FAM53B: variants seen among roughly 807,000 people sequenced by gnomAD.
FAM53B encodes the protein family with sequence similarity 53 member B, also known as protein FAM53B.
Under a neutral mutation model 32.7 loss-of-function variants are expected in FAM53B, and 12 were observed. That is an observed-to-expected ratio of 0.37 (90% CI 0.24 to 0.59). FAM53B has a LOEUF of 0.59. Among genes scored for constraint, FAM53B ranks in the 20% least tolerant of loss-of-function variants. The pLI is 0.72. For synonymous variants in FAM53B, 234 were observed against 228.7 expected (o/e 1.02, Z -0.21); for missense variants, 477 against 577.7 (o/e 0.83, Z 1.79).
Position 124,637,008 on chromosome 10 carries a change from C to T in FAM53B, c.907-13404G>A, listed in dbSNP as rs189798565. ...AAGTCATAAGGAGAAGGCAGGCAAG[C>T]GCTGCAGAAACACAACTGATTTATC... On this transcript the variant is annotated intron_variant, in intron 4 of 4. Coordinates refer to ENST00000337318, the MANE Select transcript of FAM53B (RefSeq NM_014661.4). 3.9e-5 allele frequency among the ~76,000 whole-genome samples: 6 copies of T among 152,240 alleles called. No homozygotes were observed. The South Asian group carries it at 1.0e-3, about 26-fold the overall frequency.
intron 4 of FAM53B, among the ~76,000 whole-genome samples, chr10:124,639,872 GCCT>G (rs1272598659): frequency 1.3e-5 from 2 of 152,028 alleles, no homozygotes; most frequent in South Asian, 2.1e-4. Context: ...GGCTCTGCCA[GCCT>G]CCTTTTACAC....
chr10:124,709,468 T>G (rs545336360), intron 1 of FAM53B, among the ~76,000 whole-genome samples: 41 of 152,188 alleles, frequency 2.7e-4, no homozygotes, highest in Non-Finnish European at 5.4e-4. Context: ...GTGGCAGGCA[T>G]GGAAAGGAGA....
chr10:124,656,869 T>C (rs1949592078), intron 4 of FAM53B, among the ~76,000 whole-genome samples: 1 of 150,576 alleles, frequency 6.6e-6, no homozygotes. Flanking sequence ...AAGGGGAACA[T>C]CACACACCGG....
At chr10:124,660,609 G>A (rs1024400536) in intron 4 of FAM53B, among the ~76,000 whole-genome samples, 24 of 152,238 alleles carry the variant, frequency 1.6e-4, no homozygotes, top group African/African-American at 5.5e-4. Context: ...AGACAGCCGA[G>A]CCAGCTGCCT....
intron 4 of FAM53B, among the ~76,000 whole-genome samples, chr10:124,650,292 C>A (rs187300445): frequency 6.6e-6 from 1 of 152,198 alleles, no homozygotes; most frequent in Admixed American, 6.5e-5. Flanking sequence ...CAGGTCATCG[C>A]GGGACAGGTG....
intron 1 of FAM53B, among the ~76,000 whole-genome samples, chr10:124,714,535 C>T (rs893454851): frequency 7.2e-5 from 11 of 151,726 alleles, no homozygotes; most frequent in African/African-American, 1.9e-4. Context: ...CTGAGGCAGG[C>T]GGATCACAAG....
At chr10:124,726,883 G>A (rs541680884) in intron 1 of FAM53B, among the ~76,000 whole-genome samples, 3 of 152,270 alleles carry the variant, frequency 2.0e-5, no homozygotes, top group East Asian at 1.9e-4. Flanking sequence ...AGAAATTTCC[G>A]TCTAACACCA....
At chr10:124,734,978 C>A (rs996334330) in intron 1 of FAM53B, among the ~76,000 whole-genome samples, 1 of 152,224 alleles carries the variant, frequency 6.6e-6, no homozygotes, top group African/African-American at 2.4e-5. Context: ...CTTGCTCCTG[C>A]AGACTGAGGT....
At chr10:124,694,794 T>C (rs4450131) in intron 3 of FAM53B, among the ~76,000 whole-genome samples, 62,043 of 152,116 alleles carry the variant, frequency 0.41, 14,049 homozygotes, top group Non-Finnish European at 0.52. Flanking sequence ...GTATGTCACA[T>C]GGAAAACCAG....
intron 4 of FAM53B, among the ~76,000 whole-genome samples, chr10:124,628,876 G>A (rs73379041): frequency 0.012 from 1,808 of 152,332 alleles, 42 homozygotes; most frequent in African/African-American, 0.042. Context: ...GCTGAGAAGC[G>A]ACTTCAGCTG....
intron 3 of FAM53B, among the ~76,000 whole-genome samples, chr10:124,694,575 A>G (rs969368671): frequency 6.6e-6 from 1 of 152,200 alleles, no homozygotes; most frequent in African/African-American, 2.4e-5. Flanking sequence ...CCCGGTTGAC[A>G]GCTAAAGCCT....
intron 2 of FAM53B, among the ~76,000 whole-genome samples, chr10:124,700,432 T>C (rs1294492079): frequency 2.0e-4 from 30 of 152,156 alleles, no homozygotes; most frequent in Admixed American, 2.0e-3. Context: ...GTCTGCACTC[T>C]GCGAGCACCC....
rs117877232 is a variant in FAM53B at position 124,732,479 on chromosome 10, G to A, written c.-175+11534C>T. On this transcript the variant is annotated intron_variant, in intron 1 of 4. Transcript: ENST00000337318. ...ACGCTCCTCCATGGCAGAGGAGCAC[G>A]CCACCACGCCATGTCTCAGAACAAT... Among the ~76,000 whole-genome samples the A allele has an allele frequency of 5.1e-3, 778 of 152,312 alleles. 2 individuals are homozygous for A. The highest frequency in any genetic ancestry group is 0.025 in the South Asian group (119 of 4,828).
chr10:124,648,760 A>AG (rs1458636549), intron 4 of FAM53B, among the ~76,000 whole-genome samples: 1 of 152,258 alleles, frequency 6.6e-6, no homozygotes, highest in Admixed American at 6.5e-5. Context: ...ACTCAGAGCT[A>AG]GTCCACCTGT....
chr10:124,653,576 C>T (rs528501419), intron 4 of FAM53B, among the ~76,000 whole-genome samples: 2 of 152,330 alleles, frequency 1.3e-5, no homozygotes, highest in Admixed American at 1.3e-4. Context: ...GCAAAGAGGC[C>T]CAGCTGGGTC....
intron 2 of FAM53B, among the ~76,000 whole-genome samples, chr10:124,702,628 G>A (rs2134082293): frequency 6.6e-6 from 1 of 152,264 alleles, no homozygotes; most frequent in South Asian, 2.1e-4. Flanking sequence ...TGGGCTCTCT[G>A]AGCCACAGTT....
intron 1 of FAM53B, among the ~76,000 whole-genome samples, chr10:124,737,806 G>A (rs1050592335): frequency 6.6e-6 from 1 of 152,170 alleles, no homozygotes; most frequent in Non-Finnish European, 1.5e-5. Flanking sequence ...GGAGTTGCCA[G>A]GATATGCCCT....
At chr10:124,681,361 C>T (rs1949770008) in intron 4 of FAM53B, among the ~76,000 whole-genome samples, 1 of 152,214 alleles carries the variant, frequency 6.6e-6, no homozygotes. Flanking sequence ...TCTCACCATC[C>T]ACCTGCCCTT....
At chr10:124,661,690 G>A (rs377002387) in intron 4 of FAM53B, among the ~76,000 whole-genome samples, 1 of 152,188 alleles carries the variant, frequency 6.6e-6, no homozygotes, top group Admixed American at 6.5e-5. Flanking sequence ...AAGCACGAGG[G>A]GGTTCCTTCA....
Sources: gnomAD v4.1 joint callset for allele counts (sites outside exome capture counted in the v4.1 genomes callset) on GRCh38, gnomAD v4.1.1 for gene constraint, MANE v1.5 for transcripts, NCBI Gene and HGNC (gene_info 2026-07-23, HGNC 2026-07-21) for gene names.